SPIDR: variants seen among roughly 807,000 people sequenced by gnomAD.
The protein encoded by SPIDR is DNA repair-scaffolding protein.
Under a neutral mutation model 104.6 loss-of-function variants are expected in SPIDR, and 93 were observed. The observed-to-expected ratio is 0.89, with a 90% CI of 0.75 to 1.06. The LOEUF is 1.06. Among genes scored for constraint, SPIDR ranks in the 50% least tolerant of loss-of-function variants. The probability of loss-of-function intolerance (pLI) is 0.00; values close to 1 mark genes in which losing one functional copy is unlikely to be tolerated. For missense variants in SPIDR, 1,154 were observed against 1,111.2 expected (o/e 1.04, Z -0.55); for synonymous variants, 431 against 416.9 (o/e 1.03, Z -0.41).
intron 5 of SPIDR, among the ~76,000 whole-genome samples, chr8:47,311,065 A>G (rs2044063151): frequency 1.3e-5 from 2 of 152,328 alleles, no homozygotes; most frequent in African/African-American, 4.8e-5. Context: ...AAGGTTATAT[A>G]AAGAAAATAT....
At chr8:47,358,600 T>C (rs1227466364) in intron 5 of SPIDR, among the ~76,000 whole-genome samples, 2 of 152,158 alleles carry the variant, frequency 1.3e-5, no homozygotes, top group African/African-American at 4.8e-5. Flanking sequence ...ACAACAATCT[T>C]GTGAAGAAGA....
chr8:47,356,271 T>C (rs1296023086), intron 5 of SPIDR, among the ~76,000 whole-genome samples: 1 of 152,264 alleles, frequency 6.6e-6, no homozygotes, highest in Non-Finnish European at 1.5e-5. Flanking sequence ...TAAATTTCTC[T>C]ACTTTTATGA....
At chr8:47,602,388 T>C (rs1280675650) in intron 10 of SPIDR, among the ~76,000 whole-genome samples, 3 of 152,358 alleles carry the variant, frequency 2.0e-5, no homozygotes, top group Middle Eastern at 3.4e-3. Context: ...CTTGTCATTA[T>C]CTGCTCTACC....
intron 10 of SPIDR, among the ~76,000 whole-genome samples, chr8:47,654,659 CTT>C (rs202145351): frequency 0.011 from 1,723 of 151,788 alleles, 34 homozygotes; most frequent in African/African-American, 0.04. Flanking sequence ...GGTTTAGACT[CTT>C]TTCTTTCTTA....
intron 1 of SPIDR, among the ~76,000 whole-genome samples, chr8:47,266,935 C>CT (rs2034201459): frequency 1.3e-5 from 2 of 152,162 alleles, no homozygotes; most frequent in Non-Finnish European, 2.9e-5. Flanking sequence ...CACTAAGCTA[C>CT]TTTCGGTGTG....
chr8:47,444,698 A>C (rs1307013575), intron 8 of SPIDR, among the ~76,000 whole-genome samples: 1 of 152,208 alleles, frequency 6.6e-6, no homozygotes, highest in African/African-American at 2.4e-5. Flanking sequence ...AGTAGAAATT[A>C]TTGGTCATAG....
intron 8 of SPIDR, among the ~76,000 whole-genome samples, chr8:47,581,243 C>A (rs2059665940): frequency 6.6e-6 from 1 of 152,088 alleles, no homozygotes; most frequent in Non-Finnish European, 1.5e-5. Flanking sequence ...CTCAGCTAGC[C>A]CCCACCCAGA....
intron 5 of SPIDR, among the ~76,000 whole-genome samples, chr8:47,391,972 G>T (rs1453721283): frequency 6.8e-6 from 1 of 147,382 alleles, no homozygotes; most frequent in South Asian, 2.1e-4. Context: ...CTCCAGCCTC[G>T]GCGACAGAGC....
At chr8:47,622,058 T>G (rs1281530693) in intron 10 of SPIDR, among the ~76,000 whole-genome samples, 1 of 152,092 alleles carries the variant, frequency 6.6e-6, no homozygotes, top group Middle Eastern at 3.2e-3. Flanking sequence ...GCATTTGATA[T>G]GATCCAAGTA....
intron 1 of SPIDR, among the ~76,000 whole-genome samples, chr8:47,279,110 G>A (rs1420863387): frequency 6.6e-6 from 1 of 151,378 alleles, no homozygotes; most frequent in Admixed American, 6.6e-5. Flanking sequence ...GCCCAGGCTG[G>A]TCTTGAACCT....
At chr8:47,550,549 A>T (rs1033348992) in intron 8 of SPIDR, among the ~76,000 whole-genome samples, 2 of 152,128 alleles carry the variant, frequency 1.3e-5, no homozygotes, top group Non-Finnish European at 2.9e-5. Context: ...CAGTTCACTC[A>T]TGATTTGGCT....
At chr8:47,597,186 A>T (rs1192357679) in intron 9 of SPIDR, among the ~76,000 whole-genome samples, 1 of 152,240 alleles carries the variant, frequency 6.6e-6, no homozygotes, top group African/African-American at 2.4e-5. Context: ...ACATAACAGG[A>T]TGTGCTAGAC....
chr8:47,617,767 CATA>C (rs2064536644), intron 10 of SPIDR, among the ~76,000 whole-genome samples: 1 of 152,184 alleles, frequency 6.6e-6, no homozygotes, highest in Non-Finnish European at 1.5e-5. Context: ...AAGCCACCTC[CATA>C]ATAAGTTTTG....
intron 10 of SPIDR, among the ~76,000 whole-genome samples, chr8:47,609,541 T>C (rs549724773): frequency 5.3e-5 from 8 of 152,344 alleles, no homozygotes; most frequent in Non-Finnish European, 7.3e-5. Context: ...CAGTTTGCAC[T>C]GTTACGTCTT....
intron 8 of SPIDR, among the ~76,000 whole-genome samples, chr8:47,546,415 TG>T (rs1161097182): frequency 6.6e-6 from 1 of 152,144 alleles, no homozygotes; most frequent in Admixed American, 6.5e-5. Context: ...AGTATTCCCT[TG>T]TTATCCTTTT....
Position 47,595,927 on chromosome 8 carries a change from T to C in SPIDR, c.1214T>C (p.Ile405Thr). 1.2e-6 allele frequency: 2 copies of C among 1,613,920 alleles called. No homozygotes were observed. The highest frequency in any genetic ancestry group is 1.7e-6 in the Non-Finnish European group (2 of 1,179,792). The change falls in exon 9 of 20, where the codon ATA becomes ACA. Residue 405 changes from isoleucine (I) to threonine (T), a missense_variant. Transcript: ENST00000297423. ...EKTCEVYCPD[I>T]PLPRRSISLA... ...ACTTGTGAAGTGTACTGTCCGGACA[T>C]ACCCCTTCCAAGAAGAAGCATCTCT...
At chr8:47,572,408 A>G (rs1394482270) in intron 8 of SPIDR, among the ~76,000 whole-genome samples, 6 of 152,188 alleles carry the variant, frequency 3.9e-5, no homozygotes, top group Non-Finnish European at 8.8e-5. Context: ...TCATGCCTGT[A>G]ATCCCAGCAC....
intron 5 of SPIDR, among the ~76,000 whole-genome samples, chr8:47,358,400 T>A (rs191353788): frequency 3.3e-4 from 50 of 152,348 alleles, no homozygotes; most frequent in African/African-American, 1.2e-3. Flanking sequence ...TTATTTTTTT[T>A]AATTTTTAAA....
chr8:47,377,802 A>G (rs769481593), intron 5 of SPIDR, among the ~76,000 whole-genome samples: 1 of 152,232 alleles, frequency 6.6e-6, no homozygotes, highest in South Asian at 2.1e-4. Context: ...TCACCTGAAC[A>G]GGTTGGAGCA....
Sources: gnomAD v4.1 joint callset for allele counts (sites outside exome capture counted in the v4.1 genomes callset) on GRCh38, gnomAD v4.1.1 for gene constraint, MANE v1.5 for transcripts, NCBI Gene and HGNC (gene_info 2026-07-23, HGNC 2026-07-21) for gene names.